The following FAM185A variants were observed in gnomAD, a reference collection of about 807,000 sequenced individuals.
The protein encoded by FAM185A is family with sequence similarity 185 member A, also known as protein FAM185A.
In FAM185A, 21 loss-of-function variants were observed where a neutral mutation model predicts 45.7. That is an observed-to-expected ratio of 0.46 (90% CI 0.33 to 0.66). The LOEUF (loss-of-function observed/expected upper bound fraction) is 0.66, where lower values mean the gene tolerates loss of function less well. FAM185A is among the 30% of genes least tolerant of loss of function. The pLI is 0.03. For missense variants in FAM185A, 305 were observed against 485.4 expected, an observed-to-expected ratio of 0.63 and a Z score of 3.49; for synonymous variants, 117 against 194.0, an observed-to-expected ratio of 0.60 and a Z score of 3.30.
chr7:102,786,406 A>G (rs897027772), intron 6 of FAM185A, among the ~76,000 whole-genome samples: 4 of 152,248 alleles, frequency 2.6e-5, no homozygotes, highest in African/African-American at 9.7e-5. Context: ...ACTATTCACA[A>G]TAGCAAAGAC....
chr7:102,807,782 G>T (rs375179544), intron 7 of FAM185A, among the ~76,000 whole-genome samples: 4 of 151,848 alleles, frequency 2.6e-5, no homozygotes, highest in African/African-American at 7.3e-5. Context: ...GAGTAGGCTG[G>T]GCGTGGTGGC....
intron 7 of FAM185A, among the ~76,000 whole-genome samples, chr7:102,802,540 G>T (rs1234137208): frequency 6.6e-6 from 1 of 152,116 alleles, no homozygotes; most frequent in Non-Finnish European, 1.5e-5. Context: ...TACAGCAAAG[G>T]CCACTTTTCC....
At chr7:102,813,276 C>A, downstream of FAM185A, 2 of 1,442,806 alleles carry the variant, frequency 1.4e-6, no homozygotes, top group Non-Finnish European at 1.9e-6. Context: ...AGTAAACATA[C>A]TTGCAACAAA....
At chr7:102,828,244 C>T in the FAM185A span, among the ~76,000 whole-genome samples, 5 of 152,060 alleles carry the variant, frequency 3.3e-5, no homozygotes, top group African/African-American at 4.8e-5. Flanking sequence ...TTGTTTGTAT[C>T]CTCTTTTATT....
At chr7:102,753,520 C>T (rs1793501963) in intron 2 of FAM185A, among the ~76,000 whole-genome samples, 4 of 152,066 alleles carry the variant, frequency 2.6e-5, no homozygotes, top group Non-Finnish European at 5.9e-5. Context: ...CATCTTTGGC[C>T]TCTACCTTTT....
intron 2 of FAM185A, among the ~76,000 whole-genome samples, chr7:102,756,467 C>T (rs1793744582): frequency 6.6e-6 from 1 of 151,346 alleles, no homozygotes; most frequent in Admixed American, 6.6e-5. Flanking sequence ...ACTATCCTGG[C>T]CAACACGGTG....
the FAM185A span, among the ~76,000 whole-genome samples, chr7:102,818,314 G>T: frequency 1.9e-3 from 295 of 152,294 alleles, 2 homozygotes; most frequent in African/African-American, 6.7e-3. Flanking sequence ...TAAGACCTAG[G>T]TACAAAGTAT....
At chr7:102,789,807 A>G (rs1468623601) in intron 7 of FAM185A, among the ~76,000 whole-genome samples, 2 of 152,386 alleles carry the variant, frequency 1.3e-5, no homozygotes, top group African/African-American at 2.4e-5. Context: ...ATACTTGTCT[A>G]TCTTTATTCT....
At chr7:102,773,230 G>T (rs1794861952) in intron 5 of FAM185A, among the ~76,000 whole-genome samples, 1 of 149,888 alleles carries the variant, frequency 6.7e-6, no homozygotes, top group African/African-American at 2.5e-5. Context: ...GGGAAAGAAG[G>T]CTGGCTTATG....
intron 7 of FAM185A, among the ~76,000 whole-genome samples, chr7:102,795,501 G>A (rs1796393430): frequency 6.6e-6 from 1 of 152,132 alleles, no homozygotes; most frequent in East Asian, 1.9e-4. Flanking sequence ...AAACAAACAA[G>A]ATGAGTCTTG....
intron 6 of FAM185A, among the ~76,000 whole-genome samples, chr7:102,786,579 C>A (rs1378115043): frequency 6.6e-6 from 1 of 151,976 alleles, no homozygotes; most frequent in African/African-American, 2.4e-5. Context: ...ATCGCAAGGA[C>A]AAAAAACCAA....
In FAM185A at chr7:102,749,535, G is replaced by A. The variant is rs1283845537; in HGVS notation, c.328G>A (p.Gly110Ser). 2.0e-6 allele frequency: 3 copies of A among 1,519,158 alleles called. No homozygotes were observed. The highest frequency in any genetic ancestry group is 4.2e-5 in the Admixed American group (2 of 47,654). 94.1% of individuals were successfully genotyped at this position (1,519,158 alleles called of 1,614,324 possible). The part of the protein sequence containing the change: ...RVLVAVCGVE[G>S]GVRGLDGLQV... Reference sequence around the variant, plus strand: ...GCTGGTCGCGGTGTGCGGCGTGGAGGGCGGCGTGCGGGGCCTGGACGGCCT... The same window carrying A: ...GCTGGTCGCGGTGTGCGGCGTGGAGAGCGGCGTGCGGGGCCTGGACGGCCT... Residue 110 changes from glycine (G) to serine (S), a missense_variant, in exon 1 of 8, where the codon GGC becomes AGC. This residue lies in a region of FAM185A where 174 missense variants were observed against 247.1 expected (regional missense o/e 0.70). Transcript: ENST00000413034.
chr7:102,802,263 T>C (rs1162114800), intron 7 of FAM185A, among the ~76,000 whole-genome samples: 1 of 152,172 alleles, frequency 6.6e-6, no homozygotes, highest in African/African-American at 2.4e-5. Context: ...CACATGGAAC[T>C]TTCTCCAAGA....
chr7:102,811,026 TACTC>T (rs1366314794), downstream of FAM185A, among the ~76,000 whole-genome samples: 2 of 152,232 alleles, frequency 1.3e-5, no homozygotes, highest in African/African-American at 4.8e-5. Context: ...GTCTGAAAGA[TACTC>T]ACACATTGGT....
the FAM185A span, among the ~76,000 whole-genome samples, chr7:102,842,188 A>G: frequency 6.6e-6 from 1 of 152,222 alleles, no homozygotes; most frequent in Non-Finnish European, 1.5e-5. Flanking sequence ...CTTCTGCTGC[A>G]ACAAAGGCCA....
At chr7:102,823,558 C>CAAGTAT in the FAM185A span, among the ~76,000 whole-genome samples, 1 of 152,174 alleles carries the variant, frequency 6.6e-6, no homozygotes, top group African/African-American at 2.4e-5. Context: ...AGAGGTAATT[C>CAAGTAT]AAGTATACTA....
chr7:102,818,679 T>C, the FAM185A span, among the ~76,000 whole-genome samples: 32 of 152,326 alleles, frequency 2.1e-4, 1 homozygote, highest in Admixed American at 7.8e-4. Flanking sequence ...CATACTGTGA[T>C]TTGGGGCTCT....
At chr7:102,812,842 T>C (rs1797512215), downstream of FAM185A, among the ~76,000 whole-genome samples, 3 of 140,118 alleles carry the variant, frequency 2.1e-5, no homozygotes, top group African/African-American at 8.5e-5. Flanking sequence ...TTTGGCTTCT[T>C]TTTTTTTTTT....
At chr7:102,793,159 T>C (rs1260254954) in intron 7 of FAM185A, among the ~76,000 whole-genome samples, 2 of 151,990 alleles carry the variant, frequency 1.3e-5, no homozygotes, top group African/African-American at 4.8e-5. Context: ...TGACAGGGAG[T>C]TAATGTAGGA....
Sources: gnomAD v4.1 joint callset for allele counts (sites outside exome capture counted in the v4.1 genomes callset) on GRCh38, gnomAD v4.1.1 for gene constraint, gnomAD v4.1.1 regional missense constraint, MANE v1.5 for transcripts, NCBI Gene and HGNC (gene_info 2026-07-23, HGNC 2026-07-21) for gene names.